The following SEMA5A variants were observed in gnomAD, a reference collection of about 807,000 sequenced individuals.
SEMA5A encodes semaphorin-5A.
A neutral mutation model predicts 135.5 loss-of-function variants in SEMA5A; 55 were observed. That is an observed-to-expected ratio of 0.41 (90% CI 0.33 to 0.51). SEMA5A has a LOEUF of 0.51. SEMA5A is among the 20% of genes least tolerant of loss of function. SEMA5A has a pLI of 0.37. For missense variants in SEMA5A, 1,290 were observed against 1,419.9 expected (o/e 0.91, Z 1.47); for synonymous variants, 580 against 546.5 (o/e 1.06, Z -0.85).
chr5:9,178,331 CTTT>C (rs5865809), intron 11 of SEMA5A, among the ~76,000 whole-genome samples: 9 of 123,566 alleles, frequency 7.3e-5, no homozygotes, highest in East Asian at 2.3e-4. Context: ...TTTTTCTCTC[CTTT>C]TTTTTTTTTT....
intron 5 of SEMA5A, among the ~76,000 whole-genome samples, chr5:9,310,316 T>A (rs975258067): frequency 4.6e-5 from 7 of 152,122 alleles, no homozygotes; most frequent in African/African-American, 1.7e-4. Flanking sequence ...GCCAACGACA[T>A]GCAAATGAAT....
chr5:9,223,358 T>A (rs1747108671), intron 8 of SEMA5A, among the ~76,000 whole-genome samples: 1 of 152,182 alleles, frequency 6.6e-6, no homozygotes, highest in Non-Finnish European at 1.5e-5. Flanking sequence ...TGTACACGTA[T>A]CCATGGTTTT....
At chr5:9,300,067 G>C (rs1751537210) in intron 5 of SEMA5A, among the ~76,000 whole-genome samples, 1 of 152,092 alleles carries the variant, frequency 6.6e-6, no homozygotes, top group Admixed American at 6.6e-5. Flanking sequence ...GTCTTGCTCT[G>C]TTAGACTGGG....
intron 12 of SEMA5A, among the ~76,000 whole-genome samples, chr5:9,152,143 T>G (rs988106172): frequency 1.3e-5 from 2 of 152,220 alleles, no homozygotes; most frequent in Admixed American, 6.5e-5. Flanking sequence ...AATTGCCTCA[T>G]GCTCTGTAAG....
intron 1 of SEMA5A, among the ~76,000 whole-genome samples, chr5:9,484,706 T>C (rs1030776501): frequency 6.6e-6 from 1 of 152,220 alleles, no homozygotes; most frequent in African/African-American, 2.4e-5. Flanking sequence ...AATGGCCTGA[T>C]TGATACCAGG....
At chr5:9,303,798 G>A (rs537757708) in intron 5 of SEMA5A, among the ~76,000 whole-genome samples, 22 of 152,070 alleles carry the variant, frequency 1.4e-4, no homozygotes, top group Middle Eastern at 3.4e-3. Context: ...AGAAACAAAA[G>A]ACAATCCTTG....
In SEMA5A at chr5:9,305,733, C is replaced by T. The variant is rs1227518451; in HGVS notation, c.270+12639G>A. 3.1e-4 allele frequency among the ~76,000 whole-genome samples: 23 copies of T among 74,094 alleles called. 1 individual carries two copies. The highest frequency in any genetic ancestry group is 7.6e-4 in the South Asian group (2 of 2,630). The allele number at this position is 74,094 out of a possible 152,430, so 48.6% of individuals were successfully genotyped here. On this transcript the variant is annotated intron_variant, in intron 5 of 22. Coordinates refer to ENST00000382496, the MANE Select transcript of SEMA5A (RefSeq NM_003966.3). ...GTATATATATATATATATATTTACA[C>T]GCACACACACACACACACACACATA...
chr5:9,081,643 A>C (rs1738391526), intron 16 of SEMA5A, among the ~76,000 whole-genome samples: 1 of 152,188 alleles, frequency 6.6e-6, no homozygotes. Context: ...AAAGTCCTGC[A>C]AGTTATCTAG....
chr5:9,061,656 T>C (rs1737190248), intron 18 of SEMA5A, among the ~76,000 whole-genome samples: 1 of 152,028 alleles, frequency 6.6e-6, no homozygotes, highest in Non-Finnish European at 1.5e-5. Context: ...TGGAGGAGTG[T>C]TTCAGGCATT....
chr5:9,408,210 C>T (rs574162830), intron 2 of SEMA5A, among the ~76,000 whole-genome samples: 72 of 152,278 alleles, frequency 4.7e-4, no homozygotes, highest in African/African-American at 1.7e-3. Context: ...ATCACCACCA[C>T]CACCACTACA....
intron 16 of SEMA5A, among the ~76,000 whole-genome samples, chr5:9,077,857 A>G (rs1208020582): frequency 2.0e-5 from 3 of 152,248 alleles, no homozygotes; most frequent in Admixed American, 6.5e-5. Context: ...TTTCTTGCTC[A>G]AAAGTGATGT....
At chr5:9,077,294 T>C (rs1031398350) in intron 16 of SEMA5A, among the ~76,000 whole-genome samples, 2 of 152,138 alleles carry the variant, frequency 1.3e-5, no homozygotes, top group African/African-American at 4.8e-5. Flanking sequence ...ATCTGGCTCA[T>C]AGAAGGGGAA....
chr5:9,113,483 T>C (rs988907684), intron 15 of SEMA5A, among the ~76,000 whole-genome samples: 1 of 152,114 alleles, frequency 6.6e-6, no homozygotes, highest in Non-Finnish European at 1.5e-5. Flanking sequence ...AAAGAAAAAT[T>C]TGTGACGTGA....
At chr5:9,232,878 T>G (rs911598184) in intron 6 of SEMA5A, among the ~76,000 whole-genome samples, 1 of 152,186 alleles carries the variant, frequency 6.6e-6, no homozygotes, top group Non-Finnish European at 1.5e-5. Flanking sequence ...ACTCACAGCT[T>G]TCAAAATATT....
chr5:9,263,040 G>GA (rs574641708), intron 5 of SEMA5A, among the ~76,000 whole-genome samples: 5,883 of 128,086 alleles, frequency 0.046, 284 homozygotes, highest in African/African-American at 0.12. Context: ...TCTGTCAATA[G>GA]AAAAAAAAAA....
At chr5:9,329,881 T>C (rs187136225) in intron 4 of SEMA5A, among the ~76,000 whole-genome samples, 2 of 152,352 alleles carry the variant, frequency 1.3e-5, no homozygotes, top group Non-Finnish European at 2.9e-5. Flanking sequence ...CATCTTCCCA[T>C]ATACTTTAAA....
At chr5:9,158,504 TAA>T (rs3842073) in intron 11 of SEMA5A, among the ~76,000 whole-genome samples, 11 of 144,788 alleles carry the variant, frequency 7.6e-5, no homozygotes, top group African/African-American at 1.8e-4. Flanking sequence ...GATCAACAAG[TAA>T]AAAAAAAAAA....
intron 1 of SEMA5A, among the ~76,000 whole-genome samples, chr5:9,513,693 C>T (rs979248161): frequency 3.9e-5 from 6 of 152,190 alleles, no homozygotes; most frequent in African/African-American, 1.4e-4. Context: ...CTTCTGAAGC[C>T]TTTCCTAACA....
At chr5:9,356,059 C>A (rs1754429611) in intron 3 of SEMA5A, among the ~76,000 whole-genome samples, 1 of 152,170 alleles carries the variant, frequency 6.6e-6, no homozygotes, top group Middle Eastern at 3.2e-3. Flanking sequence ...TCTGTTTCTA[C>A]TGACATCCAT....
Sources: allele counts gnomAD v4.1 joint callset (sites outside exome capture counted in the v4.1 genomes callset), GRCh38; gene constraint gnomAD v4.1.1; transcripts MANE v1.5; gene names NCBI Gene and HGNC (gene_info 2026-07-23, HGNC 2026-07-21).